Variants in SMC6 observed in about 807,000 individuals in gnomAD.
SMC6 encodes structural maintenance of chromosomes 6, also known as structural maintenance of chromosomes protein 6.
A neutral mutation model predicts 142.2 loss-of-function variants in SMC6; 79 were observed. That is an observed-to-expected ratio of 0.56 (90% confidence interval 0.46 to 0.67). SMC6 has a LOEUF of 0.67. SMC6 is among the 30% of genes least tolerant of loss of function. The pLI is 0.00. For missense variants in SMC6, 1,072 were observed against 1,284.0 expected (o/e 0.83, Z 2.52); for synonymous variants, 411 against 412.4 (o/e 1.00, Z 0.04).
intron 26 of SMC6, among the ~76,000 whole-genome samples, chr2:17,668,566 T>C (rs764280668): frequency 2.6e-5 from 4 of 152,056 alleles, no homozygotes; most frequent in East Asian, 3.9e-4. Context: ...AGCATTTTTA[T>C]ATTTTTATCT....
intron 25 of SMC6, among the ~76,000 whole-genome samples, chr2:17,674,408 T>C (rs1666909727): frequency 6.6e-6 from 1 of 152,208 alleles, no homozygotes; most frequent in South Asian, 2.1e-4. Context: ...TACAATATAT[T>C]CTGTATGACA....
At chr2:17,706,820 T>A (rs1668533939) in intron 18 of SMC6, among the ~76,000 whole-genome samples, 1 of 152,154 alleles carries the variant, frequency 6.6e-6, no homozygotes, top group Non-Finnish European at 1.5e-5. Flanking sequence ...AAAGTACCAA[T>A]CAGGGACATT....
intron 16 of SMC6, among the ~76,000 whole-genome samples, chr2:17,711,624 TTTTTA>T (rs1668828732): frequency 6.6e-6 from 1 of 152,030 alleles, no homozygotes. Flanking sequence ...ATTTGGTGTA[TTTTTA>T]TTTTATTTTT....
intron 7 of SMC6, among the ~76,000 whole-genome samples, chr2:17,730,741 T>G (rs1376515336): frequency 6.6e-6 from 1 of 151,798 alleles, no homozygotes; most frequent in Non-Finnish European, 1.5e-5. Flanking sequence ...TAGCTAGGAT[T>G]ACAGGCGCCC....
intron 23 of SMC6, among the ~76,000 whole-genome samples, chr2:17,690,435 G>A (rs56735543): frequency 0.025 from 3,753 of 151,876 alleles, 126 homozygotes; most frequent in African/African-American, 0.07. Context: ...TCTACTAAAA[G>A]TACAAAAAAT....
intron 25 of SMC6, among the ~76,000 whole-genome samples, chr2:17,672,753 C>G (rs1180333334): frequency 6.6e-6 from 1 of 152,164 alleles, no homozygotes; most frequent in Non-Finnish European, 1.5e-5. Flanking sequence ...GTCAGATCAT[C>G]TATGTTGTGT....
At chr2:17,678,410 C>A (rs576459016) in intron 25 of SMC6, among the ~76,000 whole-genome samples, 38 of 152,174 alleles carry the variant, frequency 2.5e-4, no homozygotes, top group African/African-American at 6.7e-4. Flanking sequence ...AACACCTTGG[C>A]AAAGACCATC....
At chr2:17,683,129 G>C (rs941113045) in intron 24 of SMC6, among the ~76,000 whole-genome samples, 2 of 152,078 alleles carry the variant, frequency 1.3e-5, no homozygotes, top group African/African-American at 4.8e-5. Context: ...CTCTGGATAT[G>C]TTAATATCCA....
At chr2:17,720,177 A>T (rs530784855) in intron 11 of SMC6, among the ~76,000 whole-genome samples, 1 of 152,354 alleles carries the variant, frequency 6.6e-6, no homozygotes, top group Admixed American at 6.5e-5. Context: ...TATGTGGTAT[A>T]TGAATGATAT....
rs750093135 is a variant in SMC6 at position 17,721,172 on chromosome 2, C to T, written c.816G>A (p.Glu272=). The stretch of plus-strand genomic sequence containing the variant: ...CCCAAGCCATTTCATGTTTCAAGGA[C>T]TCTAAATTAGTCTTCATTGTACTTA... ...AGLSTMKTNL[E]SLKHEMAWAV... Residue 272 remains glutamate, a synonymous_variant, in exon 10 of 28, where the codon GAG becomes GAA. Transcript: ENST00000448223. 1.1e-5 allele frequency: 18 copies of T among 1,612,030 alleles called. No homozygotes were observed. In the South Asian group the frequency reaches 1.7e-4, roughly 15 times the overall value.
At chr2:17,745,260 T>C (rs1670685752) in intron 3 of SMC6, among the ~76,000 whole-genome samples, 1 of 145,298 alleles carries the variant, frequency 6.9e-6, no homozygotes, top group Admixed American at 6.6e-5. Flanking sequence ...GAAAAGACTG[T>C]GTAGATTCAT....
At chr2:17,733,971 G>A (rs968755714) in intron 5 of SMC6, among the ~76,000 whole-genome samples, 2 of 152,206 alleles carry the variant, frequency 1.3e-5, no homozygotes, top group African/African-American at 4.8e-5. Flanking sequence ...AGACAGTGAT[G>A]GAGAGAAACA....
At chr2:17,673,413 C>T (rs1666855175) in intron 25 of SMC6, among the ~76,000 whole-genome samples, 1 of 151,976 alleles carries the variant, frequency 6.6e-6, no homozygotes, top group South Asian at 2.1e-4. Context: ...GAGTAGGTTG[C>T]TTTTTGTGTC....
At chr2:17,724,170 T>C (rs1403660813) in intron 9 of SMC6, among the ~76,000 whole-genome samples, 1 of 152,154 alleles carries the variant, frequency 6.6e-6, no homozygotes, top group African/African-American at 2.4e-5. Flanking sequence ...TATACAAATA[T>C]TTCCCTTCCC....
intron 4 of SMC6, among the ~76,000 whole-genome samples, chr2:17,739,998 GCAAAGTAACA>G (rs1268269297): frequency 6.7e-6 from 1 of 150,358 alleles, no homozygotes; most frequent in African/African-American, 2.4e-5. Context: ...ATTATCTTCC[GCAAAGTAACA>G]CAAAGTAACT....
At chr2:17,693,721 C>T (rs781666826) in intron 23 of SMC6, among the ~76,000 whole-genome samples, 1 of 151,736 alleles carries the variant, frequency 6.6e-6, no homozygotes, top group Non-Finnish European at 1.5e-5. Flanking sequence ...TGAGGCCAGG[C>T]GTGGTGGCTC....
Position 17,665,532 on chromosome 2 carries a change from A to G in SMC6, c.3243T>C (p.Pro1081=). Residue 1081 remains proline, a synonymous_variant, in exon 28 of 28, where the codon CCT becomes CCC. Transcript: ENST00000448223. ...GGTCATCATCTTCTTCTTGAGTCAC[A>G]GGTCTGAAAGGCAATGTAGTTTGTC... ...ERGQTTLPFR[P]VTQEEDDDQR 6.2e-7 allele frequency: 1 copy of G among 1,609,888 alleles called. No homozygotes were observed. The highest frequency in any genetic ancestry group is 1.1e-5 in the South Asian group (1 of 90,494).
At chr2:17,718,043 C>A in intron 12 of SMC6, 34 bp downstream of exon 12, 2 of 1,576,584 alleles carry the variant, frequency 1.3e-6, no homozygotes, top group South Asian at 1.2e-5. Context: ...TGCTGTGTGG[C>A]TTTTAAAATT....
intron 21 of SMC6, 140 bp from the exon 22 acceptor site, chr2:17,696,566 T>G: frequency 1.3e-6 from 1 of 787,442 alleles, no homozygotes; most frequent in Non-Finnish European, 2.0e-6. Context: ...TGTGTCTGAA[T>G]AGAAGTGAGG....
Sources: allele counts gnomAD v4.1 joint callset (sites outside exome capture counted in the v4.1 genomes callset), GRCh38; gene constraint gnomAD v4.1.1; transcripts MANE v1.5; gene names NCBI Gene and HGNC (gene_info 2026-07-23, HGNC 2026-07-21).